Variants in NELFB observed in about 807,000 individuals in gnomAD.
NELFB encodes negative elongation factor B.
NELFB carries 34 observed loss-of-function variants against 60.2 expected under a neutral mutation model. That is an observed-to-expected ratio of 0.56 (90% CI 0.43 to 0.75). NELFB has a LOEUF of 0.75. NELFB is among the 30% of genes least tolerant of loss of function. NELFB has a pLI of 0.00. For synonymous variants in NELFB, 459 were observed against 382.1 expected (o/e 1.20, Z -2.35); for missense variants, 770 against 831.6 (o/e 0.93, Z 0.91).
chr9:137,266,477 T>C (rs1341560189), intron 8 of NELFB, 51 bp downstream of exon 8: 2 of 1,524,116 alleles, frequency 1.3e-6, no homozygotes, highest in Admixed American at 1.7e-5. Flanking sequence ...GGTTGTGGGC[T>C]GGAAGTGGGG....
chr9:137,263,015 C>T (rs913230244), intron 4 of NELFB, 22 bp from the exon 5 acceptor site: 2 of 1,606,612 alleles, frequency 1.2e-6, no homozygotes, highest in Admixed American at 1.7e-5. Flanking sequence ...GTCTGGGGGC[C>T]TGACAGTGCC....
chr9:137,255,836 CCTGTGCT>C (rs1401706478), intron 1 of NELFB, 64 bp from the exon 2 acceptor site: 7 of 1,581,338 alleles, frequency 4.4e-6, no homozygotes, highest in Non-Finnish European at 6.0e-6. Context: ...TGCGTGCCTC[CCTGTGCT>C]CTCAGGACCT....
Position 137,269,831 on chromosome 9 carries a change from G to A in NELFB, c.1490-2250G>A, listed in dbSNP as rs1830561244. ...GCTAGAAACAGGCTGGGAACCAGGA[G>A]TGCAGCTTCTCGGAGTACGTGGCTG... is the stretch of plus-strand genomic sequence containing the variant. On this transcript the variant is annotated intron_variant, in intron 10 of 12. Coordinates refer to ENST00000343053, the MANE Select transcript of NELFB (RefSeq NM_015456.5). This position sits in a 1 kb window ranked among gnomAD's most constrained non-coding sequence, Gnocchi z 5.3. Among the ~76,000 whole-genome samples, 3 of 152,344 alleles carry A rather than the reference G, an allele frequency of 2.0e-5. No individual in the cohort carries two copies. The highest frequency in any genetic ancestry group is 4.1e-4 in the South Asian group (2 of 4,824).
intron 10 of NELFB, among the ~76,000 whole-genome samples, chr9:137,271,641 G>C (rs1564445985): frequency 6.6e-6 from 1 of 152,248 alleles, no homozygotes; most frequent in African/African-American, 2.4e-5. Flanking sequence ...CTGGCAGTCA[G>C]GGAGAACTCT....
rs746053939 is a variant in NELFB, at chr9:137,272,136, C to T, written c.1545C>T (p.Gly515=). Reference sequence around the variant, plus strand: ...ACATCTTCCTCCACCTGCTCACGGGCAACCTTGCGCTGCTGGCCGACGAAT... The same window carrying T: ...ACATCTTCCTCCACCTGCTCACGGGTAACCTTGCGCTGCTGGCCGACGAAT... The change falls in exon 11 of 13, where the codon GGC becomes GGT. Residue 515 remains glycine (G), a synonymous_variant. Coordinates refer to ENST00000343053, the MANE Select transcript of NELFB (RefSeq NM_015456.5). The T allele has an allele frequency of 7.4e-6, 12 of 1,614,130 alleles. No homozygotes were observed. In the Middle Eastern group the frequency reaches 6.6e-4, roughly 88 times the overall value.
intron 4 of NELFB, among the ~76,000 whole-genome samples, chr9:137,259,288 AACT>A (rs1222953648): frequency 8.5e-5 from 13 of 152,188 alleles, no homozygotes; most frequent in African/African-American, 2.9e-4. Context: ...AGCCCATCTG[AACT>A]ACTGCACTTC....
chr9:137,262,175 C>T (rs1830456375), intron 4 of NELFB, among the ~76,000 whole-genome samples: 1 of 152,180 alleles, frequency 6.6e-6, no homozygotes. Context: ...CTCTGGATAA[C>T]TGCGGGCAGG....
chr9:137,266,024 T>C lies in NELFB; in HGVS notation c.1143+45T>C, dbSNP rs764676397. ...GCAGCTGTCGGGGCCATGCGGCCACTCCGCTGGCTGCTCTGGGTGGTCAGG... is the reference window on the plus strand; with the variant it reads ...GCAGCTGTCGGGGCCATGCGGCCACCCCGCTGGCTGCTCTGGGTGGTCAGG... On this transcript the variant is annotated intron_variant, in intron 7 of 12. Transcript: ENST00000343053. 7 of 1,419,528 alleles carry C rather than the reference T, an allele frequency of 4.9e-6. No homozygotes were observed. In the South Asian group the frequency reaches 8.1e-5, roughly 16 times the overall value. The allele number at this position is 1,419,528 out of a possible 1,614,324, so 87.9% of individuals were successfully genotyped here. A position where few individuals can be genotyped will look rare whatever the true frequency, so the allele number is the denominator to read the frequency against.
At chr9:137,271,972 C>T (rs1357518894) in intron 10 of NELFB, 109 bp from the exon 11 acceptor site, 13 of 1,413,532 alleles carry the variant, frequency 9.2e-6, no homozygotes, top group Non-Finnish European at 2.9e-6. Flanking sequence ...CAACTGAGAA[C>T]TCTCATGTGA....
intron 4 of NELFB, among the ~76,000 whole-genome samples, chr9:137,262,033 T>G (rs1197179207): frequency 1.3e-5 from 2 of 152,116 alleles, no homozygotes; most frequent in East Asian, 1.9e-4. Flanking sequence ...TTTCTGCGTA[T>G]CAGAGACTTT....
chr9:137,273,062 T>C lies in NELFB; in HGVS notation c.*134T>C, dbSNP rs999992813. 2.9e-6 allele frequency: 3 copies of C among 1,017,114 alleles called. No homozygotes were observed. Among genetic ancestry groups the C allele is most frequent in the Admixed American group, 6.6e-5 (2 of 30,250 alleles). 63.0% of individuals were successfully genotyped at this position (1,017,114 alleles called of 1,614,324 possible). ...TATGGCTGGGCCTGTCCTGCCGTCA[T>C]GGCCCCCTGCTTCCTGCTCCTTGGA... On this transcript the variant is annotated 3_prime_UTR_variant, in exon 13 of 13. Transcript: ENST00000343053.
Position 137,264,370 on chromosome 9 carries a change from T to A in NELFB, c.1040+13T>A. 5 of 1,560,270 alleles carry A rather than the reference T, an allele frequency of 3.2e-6. No homozygotes were observed. The highest frequency in any genetic ancestry group is 4.3e-6 in the Non-Finnish European group (5 of 1,151,066). On this transcript the variant is annotated intron_variant, in intron 6 of 12. Transcript: ENST00000343053. ...AGCAGGTGCTGGGGTGAGGGTCGGC[T>A]CCACGAGGCCTCTGCCCCTCAGGGC...
intron 6 of NELFB, among the ~76,000 whole-genome samples, chr9:137,264,802 C>T (rs1453352163): frequency 6.6e-6 from 1 of 152,110 alleles, no homozygotes; most frequent in African/African-American, 2.4e-5. Flanking sequence ...CCGGGCACTG[C>T]TGGCCCACAG....
At chr9:137,263,337 T>C in intron 5 of NELFB, 115 bp downstream of exon 5, 1 of 774,772 alleles carries the variant, frequency 1.3e-6, no homozygotes, top group East Asian at 3.8e-5. Flanking sequence ...CTCCTGAAGG[T>C]AGCGCTGCCC....
In NELFB at chr9:137,266,193, GTGTGGGGC is replaced by G. The variant is rs1189974150; in HGVS notation, c.1144-135_1144-128del. ...GCTGTGAGACTGCGTTTCACCCCGTGTGTGGGGCTGGTGATCGCAGTCGTGTGGTCCTG... is the reference window on the plus strand; with the variant it reads ...GCTGTGAGACTGCGTTTCACCCCGTGTGGTGATCGCAGTCGTGTGGTCCTG... On this transcript the variant is annotated intron_variant, in intron 7 of 12. Coordinates refer to ENST00000343053, the MANE Select transcript of NELFB (RefSeq NM_015456.5). 106 of 799,982 alleles carry G rather than the reference GTGTGGGGC, an allele frequency of 1.3e-4. 2 individuals are homozygous for G. The highest frequency in any genetic ancestry group is 1.3e-3 in the East Asian group (49 of 37,264). 49.6% of individuals were successfully genotyped at this position (799,982 alleles called of 1,614,324 possible).
At chr9:137,256,684 G>T in intron 3 of NELFB, 140 bp from the exon 4 acceptor site, 2 of 796,542 alleles carry the variant, frequency 2.5e-6, no homozygotes, top group Non-Finnish European at 4.0e-6. Context: ...ACATGCTGGG[G>T]CCGGGGAACC....
chr9:137,256,533 C>A, intron 3 of NELFB, 105 bp downstream of exon 3: 2 of 1,014,950 alleles, frequency 2.0e-6, no homozygotes, highest in South Asian at 1.4e-5. Flanking sequence ...GCTTCCTGTG[C>A]TGCCTGCCCA....
At chr9:137,258,833 A>T (rs901605695) in intron 4 of NELFB, among the ~76,000 whole-genome samples, 1 of 152,210 alleles carries the variant, frequency 6.6e-6, no homozygotes, top group African/African-American at 2.4e-5. Context: ...ACATTAAGAA[A>T]AAAAAATGAG....
chr9:137,272,971 G>T lies in NELFB; in HGVS notation c.*43G>T, dbSNP rs759889764. 7.5e-6 allele frequency: 11 copies of T among 1,469,072 alleles called. No homozygotes were observed. The South Asian group carries it at 8.3e-5, about 11-fold the overall frequency. 91.0% of individuals were successfully genotyped at this position (1,469,072 alleles called of 1,614,324 possible). ...TCGGGTGCTGGGGCCATGCCGAGTC[G>T]CGGCCCTGCTCAGCCGGAAGAGGCT... is the stretch of plus-strand genomic sequence containing the variant. On this transcript the variant is annotated 3_prime_UTR_variant, in exon 13 of 13. Transcript: ENST00000343053.
Sources: allele counts gnomAD v4.1 joint callset (sites outside exome capture counted in the v4.1 genomes callset), GRCh38; gene constraint gnomAD v4.1.1; non-coding constraint Gnocchi (gnomAD v3.1); transcripts MANE v1.5; gene names NCBI Gene and HGNC (gene_info 2026-07-23, HGNC 2026-07-21).